Variants in AKT1 observed in about 807,000 individuals in gnomAD.
The protein encoded by AKT1 is AKT serine/threonine kinase 1.
Under a neutral mutation model 63.1 loss-of-function variants are expected in AKT1, and 21 were observed. The ratio of observed to expected loss-of-function variants is 0.33; its 90% CI spans 0.24 to 0.48. The LOEUF (loss-of-function observed/expected upper bound fraction) is 0.48, where lower values mean the gene tolerates loss of function less well. Ranked by LOEUF, AKT1 falls within the 20% of genes least tolerant of loss-of-function variation. AKT1 has a pLI of 0.99. For synonymous variants in AKT1, 257 were observed against 253.1 expected (o/e 1.02, Z -0.15); for missense variants, 382 against 666.0 (o/e 0.57, Z 4.69).
chr14:104,772,932 C>T lies in AKT1; in HGVS notation c.1118G>A (p.Gly373Asp), dbSNP rs889182971. 1 of 1,613,542 alleles carries T rather than the reference C, an allele frequency of 6.2e-7. No individual in the cohort carries two copies. Among genetic ancestry groups the T allele is most frequent in the Non-Finnish European group, 8.5e-7 (1 of 1,179,932 alleles). Reference sequence around the variant, plus strand: ...TGAAAGCAAGGACTTGGCCTCGGGACCAAGCGTGCGCGGGAAGCGGATCTC... The same window carrying T: ...TGAAAGCAAGGACTTGGCCTCGGGATCAAGCGTGCGCGGGAAGCGGATCTC... ...MEEIRFPRTL[G>D]PEAKSLLSGL... is the part of the protein sequence containing the mutation. Residue 373 changes from glycine (G) to aspartate (D), a missense_variant, in exon 12 of 15, where the codon GGT (glycine) becomes GAT (aspartate). Transcript: ENST00000649815.
rs1035556327 is a variant in AKT1 at position 104,775,318 on chromosome 14, C to T, written c.436-111G>A. 6 of 1,544,796 alleles carry T rather than the reference C, an allele frequency of 3.9e-6. No individual in the cohort carries two copies. In the African/African-American group the frequency reaches 4.1e-5, roughly 10 times the overall value. On this transcript the variant is annotated intron_variant, in intron 6 of 14. Transcript: ENST00000649815. ...GAGTCGGAGGCAGAGCCAGGAGAGGCGTCCACTTCACACCTGGTGGCCTAC... is the reference window on the plus strand; with the variant it reads ...GAGTCGGAGGCAGAGCCAGGAGAGGTGTCCACTTCACACCTGGTGGCCTAC...
rs2140887450 is a variant in AKT1, at chr14:104,770,301, C to A, written c.*40G>T. ...AGATCATGGCACGAGGCCGCCTCTC[C>A]ATCCCTCCAAGCTATCGTCCAGCGC... On this transcript the variant is annotated 3_prime_UTR_variant, in exon 15 of 15. Coordinates refer to ENST00000649815, the MANE Select transcript of AKT1 (RefSeq NM_001382430.1). The A allele has an allele frequency of 1.9e-6, 3 of 1,584,308 alleles. No homozygotes were observed. The East Asian group carries it at 6.8e-5, about 36-fold the overall frequency.
intron 9 of AKT1, 105 bp from the exon 10 acceptor site, chr14:104,773,685 G>T: frequency 6.7e-7 from 1 of 1,483,692 alleles, no homozygotes; most frequent in Non-Finnish European, 9.1e-7. Flanking sequence ...CACAGGGAAG[G>T]GACCAGCCAC....
intron 14 of AKT1, 113 bp downstream of exon 14, chr14:104,770,632 C>A: frequency 9.0e-7 from 1 of 1,114,006 alleles, no homozygotes; most frequent in Non-Finnish European, 1.3e-6. Context: ...CAAAAGGAAC[C>A]TTTTTAAATA....
chr14:104,770,498 C>T, intron 14 of AKT1, 78 bp from the exon 15 acceptor site: 1 of 1,395,216 alleles, frequency 7.2e-7, no homozygotes, highest in Non-Finnish European at 9.7e-7. Flanking sequence ...AGTAGGAAGC[C>T]AACCTCTTAA....
At position 104,770,757 on chromosome 14, in the gene AKT1, G is replaced by T; in HGVS notation, c.1351C>A (p.Pro451Thr). ...AGTGGCCCCTCACCTTGGTCAGGTG[G>T]TGTGATGGTGATCATCTGGGCCGTG... ...EFTAQMITIT[P>T]PDQDDSMECV... The change falls in exon 14 of 15, where the codon CCA becomes ACA. Residue 451 changes from proline (P) to threonine (T), a missense_variant. This residue lies in a region of AKT1 where 90 missense variants were observed against 120.5 expected (regional missense o/e 0.75). Coordinates refer to ENST00000649815, the MANE Select transcript of AKT1 (RefSeq NM_001382430.1). 1.2e-6 allele frequency: 2 copies of T among 1,614,046 alleles called. No homozygotes were observed. The highest frequency in any genetic ancestry group is 1.7e-6 in the Non-Finnish European group (2 of 1,179,934).
chr14:104,773,195 G>A (rs201826439), intron 11 of AKT1, 56 bp downstream of exon 11: 41 of 1,612,326 alleles, frequency 2.5e-5, no homozygotes, highest in East Asian at 2.2e-4. Context: ...ACAGCATTGC[G>A]TGTGCTCAGG....
At chr14:104,787,831 A>C (rs1318067733) in intron 3 of AKT1, among the ~76,000 whole-genome samples, 1 of 152,244 alleles carries the variant, frequency 6.6e-6, no homozygotes, top group Non-Finnish European at 1.5e-5. Context: ...GTGGGGGCTA[A>C]GGTCCAGGGC....
rs61759765 is a variant in AKT1, at chr14:104,789,296, C to T, written c.46+3302G>A. On this transcript the variant is annotated intron_variant, in intron 3 of 14. Coordinates refer to ENST00000649815, the MANE Select transcript of AKT1 (RefSeq NM_001382430.1). ...GACCCACTTGGTCCAGCCATGTGGA[C>T]GGGGGGACGCTCAGGAAGACAGCCG... is the stretch of plus-strand genomic sequence containing the variant. Among the ~76,000 whole-genome samples, 1,262 of 152,320 alleles carry T rather than the reference C, an allele frequency of 8.3e-3. 20 individuals carry two copies. The highest frequency in any genetic ancestry group is 0.029 in the African/African-American group (1,188 of 41,574).
Position 104,795,371 on chromosome 14 carries a change from T to A in AKT1, c.-258+113A>T, listed in dbSNP as rs1893839277. ...CTCGGCCACTTCCTGCTCCCGCTCC[T>A]CCATTCTGGCGGCGCCGCGGCTCGC... is the stretch of plus-strand genomic sequence containing the variant. On this transcript the variant is annotated intron_variant, in intron 1 of 14. Transcript: ENST00000649815. This position sits in a 1 kb window ranked among gnomAD's most constrained non-coding sequence, Gnocchi z 5.1. 1 of 148,490 alleles carries A rather than the reference T, an allele frequency of 6.7e-6. No individual in the cohort carries two copies. The highest frequency in any genetic ancestry group is 2.5e-5 in the African/African-American group (1 of 40,806). 9.2% of individuals were successfully genotyped at this position (148,490 alleles called of 1,614,324 possible). A position where few individuals can be genotyped will look rare whatever the true frequency, so the allele number is the denominator to read the frequency against.
intron 3 of AKT1, among the ~76,000 whole-genome samples, chr14:104,789,349 G>A (rs7143802): frequency 0.013 from 1,972 of 152,344 alleles, 30 homozygotes; most frequent in African/African-American, 0.044. Context: ...GCTCCAGGCC[G>A]GGGCTGCACC....
intron 1 of AKT1, chr14:104,794,124 G>A (rs1893765347): frequency 6.6e-6 from 1 of 152,408 alleles, no homozygotes; most frequent in Non-Finnish European, 1.5e-5. Context: ...CTTACCCAAA[G>A]AGGGAAATGC....
At chr14:104,772,239 G>A in intron 13 of AKT1, 126 bp downstream of exon 13, 1 of 1,040,038 alleles carries the variant, frequency 9.6e-7, no homozygotes, top group Non-Finnish European at 1.5e-6. Context: ...CCTTGTACCA[G>A]GACTGCAGCA....
intron 4 of AKT1, chr14:104,777,667 G>C (rs1892808202): frequency 1.0e-6 from 1 of 986,472 alleles, no homozygotes; most frequent in Non-Finnish European, 1.2e-6. Flanking sequence ...AGCCGCTGGG[G>C]CTCCGTGGCA....
intron 13 of AKT1, chr14:104,771,924 A>G (rs1892407688): frequency 3.5e-6 from 1 of 287,234 alleles, no homozygotes; most frequent in Non-Finnish European, 6.6e-6. Context: ...GTCCCTGCAC[A>G]GCCAGAAATA....
rs2140905180 is a variant in AKT1, at chr14:104,773,277, C to T, written c.931G>A (p.Gly311Ser). The T allele has an allele frequency of 6.2e-7, 1 of 1,614,178 alleles. No homozygotes were observed. Among genetic ancestry groups the T allele is most frequent in the Non-Finnish European group, 8.5e-7 (1 of 1,180,010 alleles). Reference protein sequence around the residue: ...KDGATMKTFCGTPEYLAPEVL... With the variant: ...KDGATMKTFCSTPEYLAPEVL... The stretch of plus-strand genomic sequence containing the variant: ...TCGGGGGCCAGGTACTCAGGTGTGC[C>T]GCAAAAGGTCTTCATGGTGGCACCG... Residue 311 changes from glycine (G) to serine (S), a missense_variant, in exon 11 of 15, where the codon GGC (glycine) becomes AGC (serine). Transcript: ENST00000649815.
intron 3 of AKT1, among the ~76,000 whole-genome samples, chr14:104,789,784 C>A (rs956172415): frequency 2.6e-5 from 4 of 152,192 alleles, no homozygotes; most frequent in African/African-American, 9.7e-5. Flanking sequence ...CTAGCTCCTG[C>A]CCTTAACAGC....
At chr14:104,793,599 T>C (rs894419681) in intron 1 of AKT1, 5 of 173,178 alleles carry the variant, frequency 2.9e-5, no homozygotes, top group Non-Finnish European at 5.0e-5. Context: ...AGACCCATAA[T>C]TACAGCAGTC....
rs1060504818 is a variant in AKT1, at chr14:104,776,778, C to T, written c.176-8G>A. Reference sequence around the variant, plus strand: ...TCTTCATCAGCTGGCACTCTGCGGGCAGGCAGAGCCTCTGTCTGCGTGCAT... The same window carrying T: ...TCTTCATCAGCTGGCACTCTGCGGGTAGGCAGAGCCTCTGTCTGCGTGCAT... On this transcript the variant is annotated splice_region_variant and splice_polypyrimidine_tract_variant and intron_variant, in intron 4 of 14. Coordinates refer to ENST00000649815, the MANE Select transcript of AKT1 (RefSeq NM_001382430.1). 6 of 1,611,120 alleles carry T rather than the reference C, an allele frequency of 3.7e-6. No individual in the cohort carries two copies. In the South Asian group the frequency reaches 4.4e-5, roughly 12 times the overall value.
Sources: allele counts gnomAD v4.1 joint callset (sites outside exome capture counted in the v4.1 genomes callset), GRCh38; gene constraint gnomAD v4.1.1; regional missense constraint gnomAD v4.1.1; non-coding constraint Gnocchi (gnomAD v3.1); transcripts MANE v1.5; gene names NCBI Gene and HGNC (gene_info 2026-07-23, HGNC 2026-07-21).